The following KNDC1 variants were observed in gnomAD, a reference collection of about 807,000 sequenced individuals.
KNDC1 encodes the protein kinase non-catalytic C-lobe domain containing 1.
In KNDC1, 106 loss-of-function variants were observed where a neutral mutation model predicts 172.8. That is an observed-to-expected ratio of 0.61 (90% CI 0.52 to 0.72). The LOEUF (loss-of-function observed/expected upper bound fraction) is 0.72. Among genes scored for constraint, KNDC1 ranks in the 30% least tolerant of loss-of-function variants. The pLI, the probability that KNDC1 is intolerant of heterozygous loss-of-function variation, is 0.00. For missense variants in KNDC1, 2,325 were observed against 2,394.5 expected, an observed-to-expected ratio of 0.97 and a Z score of 0.61; for synonymous variants, 1,083 against 1,062.2, an observed-to-expected ratio of 1.02 and a Z score of -0.38.
At chr10:133,172,277 A>G (rs989459179) in intron 3 of KNDC1, among the ~76,000 whole-genome samples, 4 of 152,164 alleles carry the variant, frequency 2.6e-5, no homozygotes, top group Admixed American at 2.0e-4. Context: ...GCAGAGTTTG[A>G]TCGTGAATGT....
intron 9 of KNDC1, among the ~76,000 whole-genome samples, chr10:133,192,655 TA>T (rs970780096): frequency 2.0e-4 from 30 of 152,174 alleles, no homozygotes; most frequent in Non-Finnish European, 3.5e-4. Flanking sequence ...GCTGATTTTT[TA>T]AAAAAACTCA....
intron 3 of KNDC1, among the ~76,000 whole-genome samples, chr10:133,169,120 A>G (rs1263137865): frequency 6.6e-6 from 1 of 152,234 alleles, no homozygotes; most frequent in Non-Finnish European, 1.5e-5. Context: ...GATCTTCCCA[A>G]TAAAAGCCCA....
intron 17 of KNDC1, among the ~76,000 whole-genome samples, chr10:133,205,008 C>CCACCACCCTCCTCCCCCCCAGAAT (rs1845147526): frequency 1.4e-5 from 2 of 144,596 alleles, no homozygotes; most frequent in African/African-American, 5.2e-5. Flanking sequence ...CACCCCAGAA[C>CCACCACCCTCCTCCCCCCCAGAAT]CACCACCCTC....
chr10:133,198,528 G>T (rs1389962983), intron 13 of KNDC1, 29 bp downstream of exon 13: 1 of 1,585,396 alleles, frequency 6.3e-7, no homozygotes, highest in East Asian at 2.3e-5. Context: ...CCCCGGAGCT[G>T]CTGGGTCCCG....
At position 133,211,721 on chromosome 10, in the gene KNDC1, C is replaced by T. The variant is rs1215583488; in HGVS notation, c.4099C>T (p.Leu1367=). Residue 1367 remains leucine (L), a synonymous_variant, in exon 23 of 30, where the codon CTG becomes TTG. Coordinates refer to ENST00000304613, the MANE Select transcript of KNDC1 (RefSeq NM_152643.8). ...CTCTGCCAAGCACCTGCTGGGCCTC[C>T]TGGAGGTGGGCATGGACCGGCGGGC... ...DGSAKHLLGL[L]EVGMDRRAEG... is the part of the protein sequence containing the mutation. 3 of 1,608,334 alleles carry T rather than the reference C, an allele frequency of 1.9e-6. No homozygotes were observed. Among genetic ancestry groups the T allele is most frequent in the South Asian group, 2.2e-5 (2 of 90,818 alleles).
chr10:133,219,169 G>T, intron 28 of KNDC1, 79 bp downstream of exon 28: 10 of 1,486,708 alleles, frequency 6.7e-6, no homozygotes, highest in Non-Finnish European at 9.2e-6. Context: ...AGAGCCTGCC[G>T]CACCCAGACG....
At position 133,226,043 on chromosome 10, in the gene KNDC1, C is replaced by G. The variant is rs1845711712; in HGVS notation, c.*1153C>G. The G allele has an allele frequency of 6.6e-6, 1 of 152,240 alleles. No homozygotes were observed. Among genetic ancestry groups the G allele is most frequent in the African/African-American group, 2.4e-5 (1 of 41,464 alleles). The allele number at this position is 152,240 out of a possible 1,614,324, so 9.4% of individuals were successfully genotyped here. A position where few individuals can be genotyped will look rare whatever the true frequency, so the allele number is the denominator to read the frequency against. Reference sequence around the variant, plus strand: ...TAGAATTAGTCATTCTTTAGAGCAGCCAGCTAGTGGCATTTCTAGGAAAAC... The same window carrying G: ...TAGAATTAGTCATTCTTTAGAGCAGGCAGCTAGTGGCATTTCTAGGAAAAC... On this transcript the variant is annotated 3_prime_UTR_variant, in exon 30 of 30. Transcript: ENST00000304613.
In KNDC1 at chr10:133,199,672, G is replaced by C. The variant is rs74164115; in HGVS notation, c.2903+70G>C. On this transcript the variant is annotated intron_variant, in intron 15 of 29. Coordinates refer to ENST00000304613, the MANE Select transcript of KNDC1 (RefSeq NM_152643.8). ...CCACTGTGCCTGGGCTCTGCTGCCT[G>C]ACCCGGGCCCAGCCTTCCCCTCCCA... 5,168 of 1,545,348 alleles carry C rather than the reference G, an allele frequency of 3.3e-3. 134 individuals are homozygous for C. In the African/African-American group the frequency reaches 0.057, roughly 17 times the overall value.
At chr10:133,185,465 AGAGTAGGCAGTGTGTGCAGTGTG>A (rs1564883576) in intron 5 of KNDC1, among the ~76,000 whole-genome samples, 2 of 43,764 alleles carry the variant, frequency 4.6e-5, no homozygotes, top group African/African-American at 7.8e-5. Flanking sequence ...TGTGCAGTGT[AGAGTAGGCAGTGTGTGCAGTGTG>A]GAGTAGGCAG....
At chr10:133,195,303 G>A (rs1259233172) in intron 9 of KNDC1, among the ~76,000 whole-genome samples, 1 of 152,196 alleles carries the variant, frequency 6.6e-6, no homozygotes, top group Admixed American at 6.5e-5. Context: ...CCAGTCGGGG[G>A]GCTCCCGGGT....
intron 5 of KNDC1, among the ~76,000 whole-genome samples, chr10:133,185,069 G>A (rs940386836): frequency 2.0e-5 from 3 of 152,292 alleles, no homozygotes; most frequent in Non-Finnish European, 4.4e-5. Context: ...GCCAGGGCAC[G>A]GCCACGAGGA....
At position 133,211,789 on chromosome 10, in the gene KNDC1, G is replaced by T; in HGVS notation, c.4167G>T (p.Glu1389Asp). 6.2e-7 allele frequency: 1 copy of T among 1,610,688 alleles called. No individual in the cohort carries two copies. ...GCACAGACCTGGAGAACCCCAGGGA[G>T]GCCGAGGAGGATGCCAGACCCTTCA... ...PRGTDLENPREAEEDARPFNA... is the reference protein window; with the variant it reads ...PRGTDLENPRDAEEDARPFNA... The change falls in exon 23 of 30, where the codon GAG (glutamate) becomes GAT (aspartate). Residue 1389 changes from glutamate (E) to aspartate (D), a missense_variant. By Grantham distance (45) the Glu-to-Asp change is conservative. Transcript: ENST00000304613.
At chr10:133,168,446 C>T in intron 3 of KNDC1, 134 bp downstream of exon 3, 1 of 880,420 alleles carries the variant, frequency 1.1e-6, no homozygotes, top group Non-Finnish European at 1.9e-6. Context: ...GCCGCTGCTG[C>T]CCGGTTCACT....
Position 133,186,242 on chromosome 10 carries a change from G to C in KNDC1, c.894G>C (p.Arg298Ser). The change falls in exon 6 of 30, where the codon AGG becomes AGC. Residue 298 changes from arginine to serine, a missense_variant. Transcript: ENST00000304613. ...TLGELDRDAL[R>S]RSRLRKVQTF... ...GGGAGCTGGACAGAGACGCCCTCAG[G>C]AGAAGCCGCCTGCGGAAGGTGCAGA... 1.3e-6 allele frequency: 2 copies of C among 1,596,048 alleles called. No homozygotes were observed. The highest frequency in any genetic ancestry group is 2.3e-5 in the South Asian group (2 of 88,778).
At chr10:133,192,469 T>C (rs981054193) in intron 9 of KNDC1, among the ~76,000 whole-genome samples, 1 of 152,178 alleles carries the variant, frequency 6.6e-6, no homozygotes, top group African/African-American at 2.4e-5. Flanking sequence ...GATACCAACC[T>C]GGAGATGACA....
chr10:133,186,737 C>T (rs1053069592), intron 6 of KNDC1, 63 bp downstream of exon 6: 36 of 1,186,784 alleles, frequency 3.0e-5, no homozygotes, highest in African/African-American at 6.1e-5. Context: ...GGGGCCGGGC[C>T]TCTCCACAGA....
chr10:133,212,994 GC>G lies in KNDC1; in HGVS notation c.4443+75del. ...CCCAGAAACACTCCGCGCCCATAGG[GC>G]CCTCAGCGGCTGCTTCCAGAGGAAC... On this transcript the variant is annotated intron_variant, in intron 24 of 29. Transcript: ENST00000304613. The G allele has an allele frequency of 5.4e-6, 7 of 1,305,410 alleles. No homozygotes were observed. The South Asian group carries it at 9.7e-5, about 18-fold the overall frequency. The allele number at this position is 1,305,410 out of a possible 1,614,324, so 80.9% of individuals were successfully genotyped here.
In KNDC1 at chr10:133,186,357, T is replaced by C. The variant is rs1358442862; in HGVS notation, c.1009T>C (p.Phe337Leu). ...GKSQLPISELFSPDPRKAFLD... is the reference protein window; with the variant it reads ...GKSQLPISELLSPDPRKAFLD... ...AAGCCAGCTGCCCATATCGGAATTA[T>C]TCTCTCCGGACCCCAGGAAGGCCTT... The change falls in exon 6 of 30, where the codon TTC becomes CTC. Residue 337 changes from phenylalanine (F) to leucine (L), a missense_variant. Physicochemically the swap from Phe to Leu is conservative, Grantham distance 22. Transcript: ENST00000304613. The C allele has an allele frequency of 1.2e-6, 2 of 1,612,734 alleles. No homozygotes were observed. The highest frequency in any genetic ancestry group is 1.7e-6 in the Non-Finnish European group (2 of 1,179,954).
rs1845360920 is a variant in KNDC1 at position 133,211,442 on chromosome 10, C to T, written c.3929C>T (p.Ser1310Leu). 6.2e-7 allele frequency: 1 copy of T among 1,605,928 alleles called. No individual in the cohort carries two copies. ...TCCAGGGCCCACCAGGACCCCACCT[C>T]GACCTTCACCAAGATCTACAGGCGG... ...TLTRAHQDPT[S>L]TFTKIYRRSL... The change falls in exon 22 of 30, where the codon TCG becomes TTG. Residue 1310 changes from serine to leucine, a missense_variant. Physicochemically the swap from Ser to Leu is moderately radical, Grantham distance 145. Coordinates refer to ENST00000304613, the MANE Select transcript of KNDC1 (RefSeq NM_152643.8).
Sources: gnomAD v4.1 joint callset for allele counts (sites outside exome capture counted in the v4.1 genomes callset) on GRCh38, gnomAD v4.1.1 for gene constraint, MANE v1.5 for transcripts, NCBI Gene and HGNC (gene_info 2026-07-23, HGNC 2026-07-21) for gene names.